PCDHA11: variants seen among roughly 807,000 people sequenced by gnomAD.
The protein encoded by PCDHA11 is protocadherin alpha-11.
In PCDHA11, 61 loss-of-function variants were observed where a neutral mutation model predicts 70.3. That is an observed-to-expected ratio of 0.87 (90% CI 0.71 to 1.07). PCDHA11 has a LOEUF of 1.07. Among genes scored for constraint, PCDHA11 ranks in the 50% least tolerant of loss-of-function variants. The pLI, the probability that PCDHA11 is intolerant of heterozygous loss-of-function variation, is 0.00. For missense variants in PCDHA11, 1,324 were observed against 1,237.5 expected (o/e 1.07, Z -1.05); for synonymous variants, 633 against 555.1 (o/e 1.14, Z -1.97).
rs538322622 is a variant in PCDHA11 at position 140,884,083 on chromosome 5, G to T, written c.2391+12589G>T. 35 of 1,613,596 alleles carry T rather than the reference G, an allele frequency of 2.2e-5. No individual in the cohort carries two copies. The South Asian group carries it at 3.6e-4, about 17-fold the overall frequency. On this transcript the variant is annotated intron_variant, in intron 1 of 3. Coordinates refer to ENST00000398640, the MANE Select transcript of PCDHA11 (RefSeq NM_018902.5). The stretch of plus-strand genomic sequence containing the variant: ...TGGACGCCGATTCGGGCTACAATGC[G>T]TGGCTTTCGTATGAATTGCAGCTGG...
intron 1 of PCDHA11, among the ~76,000 whole-genome samples, chr5:140,935,315 A>G (rs552631416): frequency 5.9e-5 from 9 of 152,306 alleles, no homozygotes; most frequent in East Asian, 5.8e-4. Context: ...AACTTCATCA[A>G]TCTTACATTC....
intron 1 of PCDHA11, among the ~76,000 whole-genome samples, chr5:140,889,040 A>G (rs1313734637): frequency 4.6e-5 from 7 of 152,094 alleles, no homozygotes; most frequent in African/African-American, 1.4e-4. Context: ...TAATTTGATT[A>G]TAATTTATAA....
intron 1 of PCDHA11, among the ~76,000 whole-genome samples, chr5:140,952,252 A>T (rs1230858145): frequency 6.6e-6 from 1 of 151,034 alleles, no homozygotes; most frequent in Admixed American, 6.6e-5. Context: ...CTGCTGGTGG[A>T]TTCCCATTCT....
At chr5:140,972,983 AGATTCTGTGCATTTGT>A (rs1169514447) in intron 1 of PCDHA11, among the ~76,000 whole-genome samples, 1 of 152,102 alleles carries the variant, frequency 6.6e-6, no homozygotes, top group Admixed American at 6.6e-5. Flanking sequence ...ATCTTAAGGT[AGATTCTGTGCATTTGT>A]GGTCGTGGTG....
chr5:140,884,002 C>A (rs1189374158), intron 1 of PCDHA11: 1 of 1,612,906 alleles, frequency 6.2e-7, no homozygotes, highest in Admixed American at 1.7e-5. Flanking sequence ...GCACAGTGAG[C>A]GAGCTGATGC....
At chr5:140,975,560 A>T (rs1302523568) in intron 1 of PCDHA11, among the ~76,000 whole-genome samples, 1 of 152,238 alleles carries the variant, frequency 6.6e-6, no homozygotes, top group Non-Finnish European at 1.5e-5. Flanking sequence ...AAGGAAAAGG[A>T]GATATTATAT....
chr5:140,893,050 A>T (rs967159859), intron 1 of PCDHA11, among the ~76,000 whole-genome samples: 1 of 152,248 alleles, frequency 6.6e-6, no homozygotes, highest in Non-Finnish European at 1.5e-5. Context: ...CTCCAGGCTC[A>T]GCCATACTGC....
intron 1 of PCDHA11, among the ~76,000 whole-genome samples, chr5:140,909,754 G>T (rs2074670000): frequency 6.6e-6 from 1 of 152,100 alleles, no homozygotes; most frequent in Non-Finnish European, 1.5e-5. Context: ...AATGACCACA[G>T]GATGAGTCCA....
chr5:140,898,548 T>C (rs1445483717), intron 1 of PCDHA11, among the ~76,000 whole-genome samples: 2 of 152,252 alleles, frequency 1.3e-5, no homozygotes, highest in Non-Finnish European at 2.9e-5. Context: ...CATTTATCTA[T>C]GTCTCTGTTT....
At chr5:140,924,895 AAAAAAAAAAAT>A (rs1321698386) in intron 1 of PCDHA11, among the ~76,000 whole-genome samples, 1,704 of 132,168 alleles carry the variant, frequency 0.013, 31 homozygotes, top group African/African-American at 0.056. Flanking sequence ...AACCTGTCTC[AAAAAAAAAAAT>A]AAAATAAAAT....
At chr5:141,009,450 A>G (rs1272306412) in intron 3 of PCDHA11, among the ~76,000 whole-genome samples, 177 bp from the exon 4 acceptor site, 1 of 152,250 alleles carries the variant, frequency 6.6e-6, no homozygotes, top group Non-Finnish European at 1.5e-5. Context: ...TCTCAAAAAA[A>G]TTAAACAAAT....
At chr5:140,895,709 A>G (rs763607157) in intron 1 of PCDHA11, among the ~76,000 whole-genome samples, 2 of 152,208 alleles carry the variant, frequency 1.3e-5, no homozygotes, top group African/African-American at 2.4e-5. Flanking sequence ...CACTTGGGAT[A>G]ATGGCCTGCA....
intron 1 of PCDHA11, among the ~76,000 whole-genome samples, chr5:140,945,159 A>G (rs1341706509): frequency 2.0e-5 from 3 of 152,178 alleles, no homozygotes; most frequent in Non-Finnish European, 4.4e-5. Flanking sequence ...TACACTATTG[A>G]ACTATCTGAA....
chr5:140,939,182 C>T (rs2092333864), intron 1 of PCDHA11, among the ~76,000 whole-genome samples: 1 of 152,146 alleles, frequency 6.6e-6, no homozygotes, highest in African/African-American at 2.4e-5. Context: ...GGCCCACTCC[C>T]TGGTTCATAA....
At chr5:140,896,599 A>G (rs1247154870) in intron 1 of PCDHA11, among the ~76,000 whole-genome samples, 1 of 151,478 alleles carries the variant, frequency 6.6e-6, no homozygotes, top group African/African-American at 2.4e-5. Context: ...CTGGTCTCGA[A>G]CTCCTGGTCT....
Position 140,927,170 on chromosome 5 carries a change from G to A in PCDHA11, c.2392-51779G>A, listed in dbSNP as rs370656989. The A allele has an allele frequency of 2.6e-5, 42 of 1,614,048 alleles. No individual in the cohort carries two copies. The highest frequency in any genetic ancestry group is 3.5e-5 in the Non-Finnish European group (41 of 1,180,042). On this transcript the variant is annotated intron_variant, in intron 1 of 3. Coordinates refer to ENST00000398640, the MANE Select transcript of PCDHA11 (RefSeq NM_018902.5). Reference sequence around the variant, plus strand: ...CAGCTGTGCAGGGCCAAAGCTGCCTGCGTCTTGACCTACGACCTGGTGCTC... The same window carrying A: ...CAGCTGTGCAGGGCCAAAGCTGCCTACGTCTTGACCTACGACCTGGTGCTC...
chr5:140,889,639 G>A (rs1271182789), intron 1 of PCDHA11, among the ~76,000 whole-genome samples: 1 of 151,770 alleles, frequency 6.6e-6, no homozygotes, highest in Non-Finnish European at 1.5e-5. Flanking sequence ...TTTCATTTGT[G>A]TTTGCAGGAG....
chr5:140,968,185 C>T (rs1554230464), intron 1 of PCDHA11: 1 of 1,614,034 alleles, frequency 6.2e-7, no homozygotes, highest in East Asian at 2.2e-5. Context: ...TGGAGGACTC[C>T]TATTCCATCT....
At chr5:140,957,900 G>A (rs2095395670) in intron 1 of PCDHA11, among the ~76,000 whole-genome samples, 1 of 151,932 alleles carries the variant, frequency 6.6e-6, no homozygotes, top group South Asian at 2.1e-4. Flanking sequence ...CATCAACCAA[G>A]GCATATTGTT....
Sources: gnomAD v4.1 joint callset for allele counts (sites outside exome capture counted in the v4.1 genomes callset) on GRCh38, gnomAD v4.1.1 for gene constraint, MANE v1.5 for transcripts, NCBI Gene and HGNC (gene_info 2026-07-23, HGNC 2026-07-21) for gene names.